LIX1: variants seen among roughly 807,000 people sequenced by gnomAD.
LIX1 encodes protein limb expression 1 homolog.
In LIX1, 24 loss-of-function variants were observed where a neutral mutation model predicts 33.4. The ratio of observed to expected loss-of-function variants is 0.72; its 90% CI spans 0.52 to 1.01. LIX1 has a LOEUF of 1.01. Ranked by LOEUF, LIX1 falls within the 50% of genes least tolerant of loss-of-function variation. The probability of loss-of-function intolerance (pLI) is 0.00; values close to 1 mark genes in which losing one functional copy is unlikely to be tolerated. For synonymous variants in LIX1, 124 were observed against 124.0 expected, an observed-to-expected ratio of 1.00 and a Z score of 0.00; for missense variants, 311 against 339.2, an observed-to-expected ratio of 0.92 and a Z score of 0.65.
chr5:97,115,771 A>AT (rs397998809), intron 2 of LIX1, among the ~76,000 whole-genome samples: 2 of 151,516 alleles, frequency 1.3e-5, no homozygotes, highest in Non-Finnish European at 2.9e-5. Flanking sequence ...AAAAAAAAAA[A>AT]GAACAGTAAT....
intron 1 of LIX1, among the ~76,000 whole-genome samples, chr5:97,126,654 T>C (rs112700042): frequency 1.3e-5 from 2 of 149,498 alleles, no homozygotes; most frequent in African/African-American, 4.9e-5. Context: ...TTTTTTTTTT[T>C]TTTGAGACAG....
intron 1 of LIX1, among the ~76,000 whole-genome samples, chr5:97,126,216 C>T (rs1747916659): frequency 6.6e-6 from 1 of 152,226 alleles, no homozygotes; most frequent in African/African-American, 2.4e-5. Context: ...CATCTATGCC[C>T]TTTGCCATTA....
At chr5:97,126,955 C>T (rs1377037001) in intron 1 of LIX1, among the ~76,000 whole-genome samples, 1 of 152,096 alleles carries the variant, frequency 6.6e-6, no homozygotes, top group African/African-American at 2.4e-5. Context: ...ATATTTTCTA[C>T]TAGTTGATGT....
chr5:97,126,351 A>T (rs895065579), intron 1 of LIX1, among the ~76,000 whole-genome samples: 2 of 152,194 alleles, frequency 1.3e-5, no homozygotes, highest in African/African-American at 4.8e-5. Context: ...AATGTTTACT[A>T]GAGCACTAGG....
At chr5:97,098,727 C>G (rs1746521112) in intron 4 of LIX1, among the ~76,000 whole-genome samples, 1 of 151,984 alleles carries the variant, frequency 6.6e-6, no homozygotes, top group Admixed American at 6.6e-5. Context: ...TAAAACAAAA[C>G]AAAAAAGCTG....
rs1748300926 is a variant in LIX1, at chr5:97,141,962, G to A, written c.82+533C>T. 2.6e-5 allele frequency among the ~76,000 whole-genome samples: 4 copies of A among 152,158 alleles called. No individual in the cohort carries two copies. In the South Asian group the frequency reaches 8.3e-4, roughly 32 times the overall value. Reference sequence around the variant, plus strand: ...CAGGGAGTGTTGCTGAGGTTAGGAGGCATCTCATTTTATTGGCCTTTTAAC... The same window carrying A: ...CAGGGAGTGTTGCTGAGGTTAGGAGACATCTCATTTTATTGGCCTTTTAAC... On this transcript the variant is annotated intron_variant, in intron 1 of 5. Coordinates refer to ENST00000274382, the MANE Select transcript of LIX1 (RefSeq NM_153234.5).
intron 1 of LIX1, among the ~76,000 whole-genome samples, chr5:97,125,818 A>G (rs1277617315): frequency 6.6e-6 from 1 of 152,228 alleles, no homozygotes; most frequent in African/African-American, 2.4e-5. Context: ...TAGCCAAGCC[A>G]TTTAGGGACA....
At chr5:97,095,128 T>C (rs316187) in intron 5 of LIX1, 93 bp from the exon 6 acceptor site, 238,448 of 1,163,072 alleles carry the variant, frequency 0.21, 24,876 homozygotes, top group South Asian at 0.24. Context: ...TCCATTAGGG[T>C]TTTATCAACA....
At position 97,093,030 on chromosome 5, in the gene LIX1, T is replaced by C. The variant is rs1746154184; in HGVS notation, c.*1718A>G. ...ATGTAACTTTTGTTAAAATAATATT[T>C]TAAAATAAAATGTGTTGAAAATTAC... On this transcript the variant is annotated 3_prime_UTR_variant, in exon 6 of 6. Coordinates refer to ENST00000274382, the MANE Select transcript of LIX1 (RefSeq NM_153234.5). The C allele has an allele frequency of 1.3e-5, 2 of 152,236 alleles. No individual in the cohort carries two copies. The highest frequency in any genetic ancestry group is 1.3e-4 in the Admixed American group (2 of 15,276). The allele number at this position is 152,236 out of a possible 1,614,324, so 9.4% of individuals were successfully genotyped here.
Position 97,124,459 on chromosome 5 carries a change from T to C in LIX1, c.246+7A>G. 6.3e-7 allele frequency: 1 copy of C among 1,594,690 alleles called. No individual in the cohort carries two copies. Among genetic ancestry groups the C allele is most frequent in the Non-Finnish European group, 8.6e-7 (1 of 1,169,230 alleles). Reference sequence around the variant, plus strand: ...CTTTCACTGACAAATTAATGGCTACTTCTTACCTGAAAGTTGCCAAAACAG... The same window carrying C: ...CTTTCACTGACAAATTAATGGCTACCTCTTACCTGAAAGTTGCCAAAACAG... On this transcript the variant is annotated splice_region_variant and intron_variant, in intron 2 of 5. Coordinates refer to ENST00000274382, the MANE Select transcript of LIX1 (RefSeq NM_153234.5).
chr5:97,121,977 T>C (rs1268182654), intron 2 of LIX1, among the ~76,000 whole-genome samples: 1 of 152,052 alleles, frequency 6.6e-6, no homozygotes, highest in East Asian at 1.9e-4. Context: ...CAGGCACAAG[T>C]GGGTTGGAGA....
intron 1 of LIX1, among the ~76,000 whole-genome samples, chr5:97,129,329 C>T (rs1561503595): frequency 6.6e-6 from 1 of 152,252 alleles, no homozygotes; most frequent in South Asian, 2.1e-4. Context: ...CACTTGGGAA[C>T]TTGTTAAAAA....
intron 2 of LIX1, 30 bp downstream of exon 2, chr5:97,124,436 T>A: frequency 6.4e-7 from 1 of 1,564,024 alleles, no homozygotes; most frequent in East Asian, 2.3e-5. Flanking sequence ...CCAATGAACT[T>A]TCACTGACAA....
intron 1 of LIX1, among the ~76,000 whole-genome samples, chr5:97,138,089 C>T: frequency 6.6e-6 from 1 of 152,092 alleles, no homozygotes; most frequent in East Asian, 1.9e-4. Context: ...AAATGTTCTC[C>T]CAAATGGAAG....
intron 2 of LIX1, among the ~76,000 whole-genome samples, chr5:97,120,714 GAGATAAAACTGGA>G (rs1747757810): frequency 6.6e-6 from 1 of 152,142 alleles, no homozygotes; most frequent in Non-Finnish European, 1.5e-5. Flanking sequence ...GGAAATCGGG[GAGATAAAACTGGA>G]AGGGAAAGTT....
At chr5:97,117,612 C>T (rs558935108) in intron 2 of LIX1, among the ~76,000 whole-genome samples, 205 of 152,262 alleles carry the variant, frequency 1.3e-3, no homozygotes, top group Middle Eastern at 3.4e-3. Context: ...AAGTATAAAA[C>T]GCGTTTTTAT....
At chr5:97,131,837 G>A (rs963376124) in intron 1 of LIX1, among the ~76,000 whole-genome samples, 8 of 152,226 alleles carry the variant, frequency 5.3e-5, no homozygotes, top group Non-Finnish European at 8.8e-5. Flanking sequence ...GAGGTTTCAC[G>A]GATAGACCAC....
rs1746294701 is a variant in LIX1 at position 97,094,938 on chromosome 5, A to G, written c.659T>C (p.Ile220Thr). 1.1e-5 allele frequency: 17 copies of G among 1,614,160 alleles called. No individual in the cohort carries two copies. Among genetic ancestry groups the G allele is most frequent in the Non-Finnish European group, 1.4e-5 (17 of 1,180,034 alleles). ...WIMKERDSPG[I>T]VSQELRMALR... Reference sequence around the variant, plus strand: ...GGCCATTCGTAGCTCTTGAGAGACAATTCCTGGTGAGTCCCGCTCCTTCAT... The same window carrying G: ...GGCCATTCGTAGCTCTTGAGAGACAGTTCCTGGTGAGTCCCGCTCCTTCAT... The change falls in exon 6 of 6, where the codon ATT (isoleucine) becomes ACT (threonine). Residue 220 changes from isoleucine to threonine, a missense_variant. Coordinates refer to ENST00000274382, the MANE Select transcript of LIX1 (RefSeq NM_153234.5).
intron 1 of LIX1, among the ~76,000 whole-genome samples, chr5:97,130,027 GTCC>G (rs1409388710): frequency 5.3e-5 from 8 of 152,244 alleles, no homozygotes; most frequent in Non-Finnish European, 1.2e-4. Context: ...GGAATGAGCA[GTCC>G]ATGTGCACGT....
Sources: gnomAD v4.1 joint callset for allele counts (sites outside exome capture counted in the v4.1 genomes callset) on GRCh38, gnomAD v4.1.1 for gene constraint, MANE v1.5 for transcripts, NCBI Gene and HGNC (gene_info 2026-07-23, HGNC 2026-07-21) for gene names.